Variants in NCOA2 observed in about 807,000 individuals in gnomAD.
NCOA2 encodes nuclear receptor coactivator 2, also known as class E basic helix-loop-helix protein 75.
In NCOA2, 21 loss-of-function variants were observed where a neutral mutation model predicts 145.1. The ratio of observed to expected loss-of-function variants is 0.14; its 90% CI spans 0.10 to 0.21. The LOEUF (loss-of-function observed/expected upper bound fraction) is 0.21, where lower values mean the gene tolerates loss of function less well. Ranked by LOEUF, NCOA2 falls within the 10% of genes least tolerant of loss-of-function variation. The pLI is 1.00. For synonymous variants in NCOA2, 619 were observed against 637.5 expected, an observed-to-expected ratio of 0.97 and a Z score of 0.44; for missense variants, 1,472 against 1,837.6, an observed-to-expected ratio of 0.80 and a Z score of 3.64.
At chr8:70,170,791 T>A (rs1177225614) in intron 5 of NCOA2, among the ~76,000 whole-genome samples, 2 of 152,212 alleles carry the variant, frequency 1.3e-5, no homozygotes, top group African/African-American at 4.8e-5. Context: ...TTTGTCATGT[T>A]ATACAATGAG....
chr8:70,111,046 G>C lies in NCOA2; in HGVS notation c.*2586C>G, dbSNP rs987600289. ...GCTTCTATAGTGATCAATATGATCAGAGGATTCCTTCACTTACTTTTCTTC... is the reference window on the plus strand; with the variant it reads ...GCTTCTATAGTGATCAATATGATCACAGGATTCCTTCACTTACTTTTCTTC... On this transcript the variant is annotated 3_prime_UTR_variant, in exon 23 of 23. Transcript: ENST00000452400. 1 of 222,914 alleles carries C rather than the reference G, an allele frequency of 4.5e-6. No individual in the cohort carries two copies. Among genetic ancestry groups the C allele is most frequent in the Non-Finnish European group, 9.0e-6 (1 of 111,566 alleles). The allele number at this position is 222,914 out of a possible 1,614,324, so 13.8% of individuals were successfully genotyped here.
chr8:70,326,463 A>ATG (rs1806586522), intron 1 of NCOA2, among the ~76,000 whole-genome samples: 1 of 150,924 alleles, frequency 6.6e-6, no homozygotes, highest in Non-Finnish European at 1.5e-5. Flanking sequence ...GCACACACAC[A>ATG]CACACACATG....
chr8:70,171,118 G>T (rs1478900055), intron 5 of NCOA2, among the ~76,000 whole-genome samples: 1 of 152,176 alleles, frequency 6.6e-6, no homozygotes, highest in African/African-American at 2.4e-5. Context: ...ACAGTAGCAC[G>T]CTTCCGGTAA....
At position 70,144,668 on chromosome 8, in the gene NCOA2, T is replaced by C. The variant is rs1016248542; in HGVS notation, c.2786A>G (p.Gln929Arg). The C allele has an allele frequency of 1.2e-6, 2 of 1,613,852 alleles. No individual in the cohort carries two copies. The highest frequency in any genetic ancestry group is 1.3e-5 in the African/African-American group (1 of 74,944). ...TGTGCTACTGTTCCCTAAATTTCCT[T>C]GGTTTCCTATCATCCCTTGATTACC... ...MMGNQGMIGN[Q>R]GNLGNSSTGM... Residue 929 changes from glutamine (Q) to arginine (R), a missense_variant, in exon 13 of 23, where the codon CAA (glutamine) becomes CGA (arginine). Around this residue, in one of 4 missense-constraint regions of NCOA2, gnomAD observed 953 missense variants for 1,062.1 expected, o/e 0.90. Transcript: ENST00000452400.
intron 2 of NCOA2, among the ~76,000 whole-genome samples, chr8:70,272,070 C>T (rs1251186304): frequency 6.6e-6 from 1 of 152,196 alleles, no homozygotes; most frequent in African/African-American, 2.4e-5. Flanking sequence ...TTCCAACTTA[C>T]AGAAATGTAC....
chr8:70,300,333 AT>A (rs1260521718), intron 1 of NCOA2, among the ~76,000 whole-genome samples: 2 of 152,210 alleles, frequency 1.3e-5, no homozygotes, highest in Non-Finnish European at 2.9e-5. Context: ...GCAAAAAAAA[AT>A]TTTAATGTTA....
chr8:70,216,389 G>A (rs1251468082), intron 3 of NCOA2, among the ~76,000 whole-genome samples: 1 of 151,842 alleles, frequency 6.6e-6, no homozygotes. Flanking sequence ...TTATAATATT[G>A]TGTAATCAAA....
In NCOA2 at chr8:70,147,168, T is replaced by G. The variant is rs1371148479; in HGVS notation, c.2605+1105A>C. On this transcript the variant is annotated intron_variant, in intron 12 of 22. Transcript: ENST00000452400. Reference sequence around the variant, plus strand: ...TGTGTTCTGAGATGGAGTTTTGCTCTGTCGCCCAGGCTGGAGTACAGCGGC... The same window carrying G: ...TGTGTTCTGAGATGGAGTTTTGCTCGGTCGCCCAGGCTGGAGTACAGCGGC... 2.6e-5 allele frequency among the ~76,000 whole-genome samples: 4 copies of G among 151,954 alleles called. No homozygotes were observed. The East Asian group carries it at 7.8e-4, about 30-fold the overall frequency.
In NCOA2 at chr8:70,110,652, T is replaced by G. The variant is rs1806458292; in HGVS notation, c.*2980A>C. On this transcript the variant is annotated 3_prime_UTR_variant, in exon 23 of 23. Transcript: ENST00000452400. ...ACCCATTTCATGTGTTAAGCCCATA[T>G]GAACTCCATTTTTGAACACAGATTA... 1 of 212,464 alleles carries G rather than the reference T, an allele frequency of 4.7e-6. No individual in the cohort carries two copies. The highest frequency in any genetic ancestry group is 9.5e-6 in the Non-Finnish European group (1 of 104,940). 13.2% of individuals were successfully genotyped at this position (212,464 alleles called of 1,614,324 possible).
chr8:70,218,386 CTG>C (rs1231870724), intron 2 of NCOA2, among the ~76,000 whole-genome samples: 1 of 152,086 alleles, frequency 6.6e-6, no homozygotes, highest in Non-Finnish European at 1.5e-5. Flanking sequence ...ATGTCCCACA[CTG>C]TGGTCACAAT....
intron 4 of NCOA2, among the ~76,000 whole-genome samples, chr8:70,189,144 C>T (rs901020870): frequency 6.6e-6 from 1 of 152,156 alleles, no homozygotes. Context: ...CAAAGGAACA[C>T]GATGCATTAA....
intron 1 of NCOA2, among the ~76,000 whole-genome samples, chr8:70,393,887 A>C (rs748314802): frequency 6.6e-6 from 1 of 152,230 alleles, no homozygotes; most frequent in Non-Finnish European, 1.5e-5. Context: ...ATGCCCTTCA[A>C]CGTCCAGGCA....
At chr8:70,340,239 T>G (rs942569353) in intron 1 of NCOA2, among the ~76,000 whole-genome samples, 13 of 152,044 alleles carry the variant, frequency 8.6e-5, no homozygotes, top group African/African-American at 3.1e-4. Context: ...TAAACAAATT[T>G]ATAAGAAAAA....
intron 1 of NCOA2, among the ~76,000 whole-genome samples, chr8:70,351,539 T>C (rs901723901): frequency 2.6e-5 from 4 of 151,932 alleles, no homozygotes; most frequent in African/African-American, 9.7e-5. Flanking sequence ...AATGAATCTT[T>C]ATCTAGGTTT....
rs548441156 is a variant in NCOA2 at position 70,266,553 on chromosome 8, G to A, written c.-20+30191C>T. Among the ~76,000 whole-genome samples the A allele has an allele frequency of 5.3e-5, 8 of 152,246 alleles. No homozygotes were observed. In the South Asian group the frequency reaches 1.7e-3, roughly 32 times the overall value. ...GCCAAACTGCTCTATTCAAAGCCCT[G>A]CATGGGCTTTGCTCCTTCTCACCTC... On this transcript the variant is annotated intron_variant, in intron 2 of 22. Coordinates refer to ENST00000452400, the MANE Select transcript of NCOA2 (RefSeq NM_006540.4).
At chr8:70,200,913 T>C (rs1216969889) in intron 4 of NCOA2, among the ~76,000 whole-genome samples, 1 of 151,636 alleles carries the variant, frequency 6.6e-6, no homozygotes, top group Non-Finnish European at 1.5e-5. Context: ...TCAAATGTGG[T>C]GTTGTACACC....
chr8:70,312,593 T>C (rs551068943), intron 1 of NCOA2, among the ~76,000 whole-genome samples: 1 of 151,942 alleles, frequency 6.6e-6, no homozygotes, highest in Admixed American at 6.5e-5. Context: ...AAAACACTTC[T>C]GTGTATTTTT....
At chr8:70,334,971 A>G (rs1475389202) in intron 1 of NCOA2, among the ~76,000 whole-genome samples, 1 of 151,594 alleles carries the variant, frequency 6.6e-6, no homozygotes, top group African/African-American at 2.4e-5. Context: ...AAAAATAAAA[A>G]AACTAGCCAG....
intron 4 of NCOA2, among the ~76,000 whole-genome samples, chr8:70,176,148 T>C (rs1366173631): frequency 7.9e-5 from 12 of 152,198 alleles, no homozygotes; most frequent in Admixed American, 7.9e-4. Flanking sequence ...AAACACTCTT[T>C]AAAAATACAA....
Sources: gnomAD v4.1 joint callset for allele counts (sites outside exome capture counted in the v4.1 genomes callset) on GRCh38, gnomAD v4.1.1 for gene constraint, gnomAD v4.1.1 regional missense constraint, MANE v1.5 for transcripts, NCBI Gene and HGNC (gene_info 2026-07-23, HGNC 2026-07-21) for gene names.